The following ANK3 variants were observed in gnomAD, a reference collection of about 807,000 sequenced individuals.
The protein encoded by ANK3 is ankyrin 3, also known as ankyrin-3.
Under a neutral mutation model 370.9 loss-of-function variants are expected in ANK3, and 57 were observed. The observed-to-expected ratio is 0.15, with a 90% CI of 0.12 to 0.19. The LOEUF (loss-of-function observed/expected upper bound fraction) is 0.19, where lower values mean the gene tolerates loss of function less well. Ranked by LOEUF, ANK3 falls within the 10% of genes least tolerant of loss-of-function variation. The pLI is 1.00. For synonymous variants in ANK3, 1,929 were observed against 1,946.3 expected (o/e 0.99, Z 0.23); for missense variants, 4,439 against 5,302.1 (o/e 0.84, Z 5.06).
chr10:60,143,473 G>A (rs754869952), intron 23 of ANK3, among the ~76,000 whole-genome samples: 1 of 152,132 alleles, frequency 6.6e-6, no homozygotes, highest in Non-Finnish European at 1.5e-5. Context: ...CAGATGACAT[G>A]CATTTTATAT....
intron 2 of ANK3, among the ~76,000 whole-genome samples, chr10:60,395,503 G>T (rs560944914): frequency 1.3e-5 from 2 of 151,900 alleles, no homozygotes; most frequent in Non-Finnish European, 2.9e-5. Context: ...CTGAAGGCAG[G>T]TGTTTCATCA....
chr10:60,140,862 G>T (rs41274688), intron 23 of ANK3: 32 of 988,246 alleles, frequency 3.2e-5, no homozygotes, highest in Non-Finnish European at 3.7e-5. Context: ...GGGAGAGAGC[G>T]AAGTGCTACA....
At chr10:60,698,446 T>G (rs1168560217) in intron 1 of ANK3, among the ~76,000 whole-genome samples, 2 of 151,528 alleles carry the variant, frequency 1.3e-5, no homozygotes, top group Non-Finnish European at 2.9e-5. Flanking sequence ...TAAAGACACA[T>G]GCACACGTAT....
chr10:60,298,009 T>A (rs1206630955), intron 1 of ANK3, among the ~76,000 whole-genome samples: 1 of 152,120 alleles, frequency 6.6e-6, no homozygotes, highest in Non-Finnish European at 1.5e-5. Flanking sequence ...GAAAAATATA[T>A]ATATAACATA....
At chr10:60,435,617 CA>C (rs1345750492) in intron 2 of ANK3, among the ~76,000 whole-genome samples, 1 of 152,106 alleles carries the variant, frequency 6.6e-6, no homozygotes, top group Non-Finnish European at 1.5e-5. Context: ...CAAAACAAAA[CA>C]AAAACACACG....
At chr10:60,086,466 A>G (rs929077430) in intron 30 of ANK3, 6 of 456,082 alleles carry the variant, frequency 1.3e-5, no homozygotes, top group Admixed American at 4.0e-5. Context: ...TAAATGAGTC[A>G]TGAGACCAGG....
At chr10:60,280,507 A>T (rs567735853) in intron 1 of ANK3, among the ~76,000 whole-genome samples, 36 of 152,340 alleles carry the variant, frequency 2.4e-4, no homozygotes, top group African/African-American at 7.9e-4. Flanking sequence ...TCACTCATTG[A>T]AAGCTTGCAA....
chr10:60,522,891 G>A (rs2076380855), intron 2 of ANK3, among the ~76,000 whole-genome samples: 1 of 152,050 alleles, frequency 6.6e-6, no homozygotes, highest in African/African-American at 2.4e-5. Flanking sequence ...CGGACAATCT[G>A]AAATGCTGAA....
At chr10:60,515,676 G>A (rs1207520002) in intron 2 of ANK3, among the ~76,000 whole-genome samples, 4 of 152,048 alleles carry the variant, frequency 2.6e-5, no homozygotes, top group Non-Finnish European at 4.4e-5. Flanking sequence ...ATCCTTGCTC[G>A]AGTGCCACCA....
At chr10:60,641,255 T>C (rs1004475407) in intron 1 of ANK3, among the ~76,000 whole-genome samples, 2 of 149,506 alleles carry the variant, frequency 1.3e-5, no homozygotes, top group African/African-American at 4.9e-5. Flanking sequence ...ACCAATGACT[T>C]TCTTCACAGA....
chr10:60,255,609 C>T (rs2097722922), intron 7 of ANK3, among the ~76,000 whole-genome samples: 1 of 152,110 alleles, frequency 6.6e-6, no homozygotes, highest in African/African-American at 2.4e-5. Flanking sequence ...AGGGACTAAC[C>T]ATCTTCCTTG....
intron 2 of ANK3, among the ~76,000 whole-genome samples, chr10:60,574,278 G>C (rs2077655027): frequency 6.6e-6 from 1 of 152,164 alleles, no homozygotes; most frequent in African/African-American, 2.4e-5. Flanking sequence ...GCCAAGCATA[G>C]GGATTCAAGT....
At chr10:60,636,937 A>G (rs1312273481) in intron 1 of ANK3, among the ~76,000 whole-genome samples, 1 of 152,210 alleles carries the variant, frequency 6.6e-6, no homozygotes, top group African/African-American at 2.4e-5. Flanking sequence ...AAGATAGGGC[A>G]GTGGATTTCA....
chr10:60,142,161 G>C (rs1351652411), intron 23 of ANK3, among the ~76,000 whole-genome samples: 6 of 151,998 alleles, frequency 3.9e-5, no homozygotes, highest in Middle Eastern at 3.2e-3. Context: ...TTCCTTCTTG[G>C]CTATTCTTCC....
chr10:60,362,488 G>C, intron 1 of ANK3, among the ~76,000 whole-genome samples: 1 of 152,178 alleles, frequency 6.6e-6, no homozygotes, highest in Non-Finnish European at 1.5e-5. Context: ...AGAATTTTAG[G>C]AAGGCAGAAA....
chr10:60,467,171 G>A (rs892454384), intron 2 of ANK3, among the ~76,000 whole-genome samples: 57 of 152,132 alleles, frequency 3.7e-4, no homozygotes, highest in Non-Finnish European at 1.2e-4. Flanking sequence ...TTTATTGGCT[G>A]ACTCAAAATG....
intron 17 of ANK3, among the ~76,000 whole-genome samples, chr10:60,185,514 G>T (rs958363712): frequency 1.3e-5 from 2 of 152,154 alleles, no homozygotes; most frequent in Admixed American, 1.3e-4. Context: ...CAAACTCTCT[G>T]TGATTTCAAA....
chr10:60,409,974 G>A (rs548879037), intron 2 of ANK3, among the ~76,000 whole-genome samples: 1 of 152,092 alleles, frequency 6.6e-6, no homozygotes, highest in African/African-American at 2.4e-5. Context: ...TCACTCCATA[G>A]GTGCATCCCC....
chr10:60,481,485 T>C (rs944009403), intron 2 of ANK3, among the ~76,000 whole-genome samples: 10 of 151,904 alleles, frequency 6.6e-5, no homozygotes, highest in African/African-American at 2.2e-4. Context: ...ATATTTGAGA[T>C]AGAGTTTTGC....
Sources: gnomAD v4.1 joint callset for allele counts (sites outside exome capture counted in the v4.1 genomes callset) on GRCh38, gnomAD v4.1.1 for gene constraint, MANE v1.5 for transcripts, NCBI Gene and HGNC (gene_info 2026-07-23, HGNC 2026-07-21) for gene names.